Variants in PTPN20 observed in about 807,000 individuals in gnomAD.
PTPN20 encodes protein tyrosine phosphatase non-receptor type 20, also known as tyrosine-protein phosphatase non-receptor type 20.
In PTPN20, 9 loss-of-function variants were observed where a neutral mutation model predicts 35.0. That is an observed-to-expected ratio of 0.26 (90% CI 0.15 to 0.45). PTPN20 has a LOEUF of 0.45. Ranked by LOEUF, PTPN20 falls within the 20% of genes least tolerant of loss-of-function variation. PTPN20 has a pLI of 1.00. For synonymous variants in PTPN20, 32 were observed against 100.2 expected (o/e 0.32, Z 4.06); for missense variants, 111 against 312.5 (o/e 0.36, Z 4.86).
chr10:46,996,073 T>G (rs955129907), intron 9 of PTPN20, among the ~76,000 whole-genome samples: 20 of 152,246 alleles, frequency 1.3e-4, no homozygotes, highest in African/African-American at 7.2e-5. Flanking sequence ...CTAATTCTCT[T>G]TAAGATAATT....
chr10:46,947,142 G>A (rs1410871995), intron 5 of PTPN20, among the ~76,000 whole-genome samples: 14 of 143,180 alleles, frequency 9.8e-5, no homozygotes, highest in South Asian at 4.6e-4. Context: ...TTGTGTATAC[G>A]TATTTACATG....
At chr10:46,946,888 C>T (rs1490412444) in intron 5 of PTPN20, 7 of 499,850 alleles carry the variant, frequency 1.4e-5, no homozygotes, top group Non-Finnish European at 2.1e-5. Context: ...GTCCTTTCTT[C>T]AAGTATTTTA....
chr10:46,984,705 AC>A, intron 8 of PTPN20, 141 bp downstream of exon 8: 1 of 302,950 alleles, frequency 3.3e-6, no homozygotes, highest in South Asian at 5.5e-5. Context: ...ACCAGAAGCC[AC>A]CACCACTTCT....
intron 9 of PTPN20, among the ~76,000 whole-genome samples, chr10:46,992,681 G>T (rs895018236): frequency 6.6e-6 from 1 of 152,118 alleles, no homozygotes; most frequent in Admixed American, 6.5e-5. Context: ...ATCTCATTAA[G>T]CTTCCTTACC....
chr10:46,947,488 T>G (rs781881617), intron 5 of PTPN20, among the ~76,000 whole-genome samples: 2,271 of 149,976 alleles, frequency 0.015, 11 homozygotes, highest in Non-Finnish European at 0.023. Context: ...AATTTTTAAT[T>G]AATTAAAACA....
chr10:46,926,429 T>C (rs1415527470), intron 1 of PTPN20, among the ~76,000 whole-genome samples: 2 of 151,766 alleles, frequency 1.3e-5, no homozygotes, highest in African/African-American at 4.9e-5. Context: ...GTTAAAAATA[T>C]TGCAACATTA....
chr10:46,982,766 A>G (rs1381562070), intron 7 of PTPN20, among the ~76,000 whole-genome samples: 1 of 151,992 alleles, frequency 6.6e-6, no homozygotes, highest in African/African-American at 2.4e-5. Context: ...ATTGTGATGA[A>G]CACTTGCCAG....
rs2046649815 is a variant in PTPN20, at chr10:46,951,485, A to T, written c.340+4810A>T. Among the ~76,000 whole-genome samples the T allele has an allele frequency of 4.6e-5, 7 of 152,358 alleles. No individual in the cohort carries two copies. In the South Asian group the frequency reaches 1.4e-3, roughly 32 times the overall value. ...TACCTTAAGAAGGGAGACTTTCATG[A>T]ACATTCTTAATTTCTAAAATGTTTA... On this transcript the variant is annotated intron_variant, in intron 5 of 10. Coordinates refer to ENST00000374339, the MANE Select transcript of PTPN20 (RefSeq NM_001042357.5).
chr10:46,936,513 T>C (rs1459850957), intron 2 of PTPN20, among the ~76,000 whole-genome samples: 2 of 151,886 alleles, frequency 1.3e-5, no homozygotes, highest in East Asian at 1.9e-4. Flanking sequence ...CCATAGATAG[T>C]GATTCTTCTG....
intron 5 of PTPN20, among the ~76,000 whole-genome samples, chr10:46,953,725 A>G (rs2047552402): frequency 6.9e-6 from 1 of 145,310 alleles, no homozygotes; most frequent in Non-Finnish European, 1.5e-5. Context: ...TTGATTTCCA[A>G]ATATCTCACC....
At chr10:46,972,208 T>C (rs1243813602) in intron 7 of PTPN20, among the ~76,000 whole-genome samples, 3 of 147,526 alleles carry the variant, frequency 2.0e-5, no homozygotes, top group African/African-American at 7.4e-5. Flanking sequence ...CAAAAACTTA[T>C]ATTTATAATC....
downstream of PTPN20, among the ~76,000 whole-genome samples, chr10:47,002,647 T>G (rs951043753): frequency 6.6e-6 from 1 of 151,934 alleles, no homozygotes; most frequent in African/African-American, 2.4e-5. Context: ...GAATGCTAAT[T>G]TAAAGGAAGT....
intron 5 of PTPN20, among the ~76,000 whole-genome samples, chr10:46,964,586 A>G (rs559158638): frequency 3.5e-4 from 52 of 149,282 alleles, no homozygotes; most frequent in African/African-American, 1.3e-3. Context: ...ACATCACCAC[A>G]TCTCAGACTC....
At chr10:47,003,576 A>G (rs1029228267), downstream of PTPN20, among the ~76,000 whole-genome samples, 28 of 152,236 alleles carry the variant, frequency 1.8e-4, no homozygotes, top group East Asian at 7.7e-4. Context: ...TTTATCTACA[A>G]CCAGCAAACT....
At chr10:46,951,240 G>A (rs1336274292) in intron 5 of PTPN20, among the ~76,000 whole-genome samples, 38 of 152,192 alleles carry the variant, frequency 2.5e-4, no homozygotes, top group Non-Finnish European at 4.4e-4. Flanking sequence ...TGATCCACCC[G>A]TCTTGGTCTC....
intron 9 of PTPN20, among the ~76,000 whole-genome samples, chr10:46,988,428 A>G (rs1433480679): frequency 1.4e-5 from 2 of 147,284 alleles, no homozygotes; most frequent in East Asian, 2.5e-4. Context: ...AATATATACA[A>G]TAAATTATAA....
chr10:46,954,325 A>G (rs1385619493), intron 5 of PTPN20, among the ~76,000 whole-genome samples: 1 of 148,320 alleles, frequency 6.7e-6, no homozygotes, highest in African/African-American at 2.6e-5. Context: ...GTTAAGGGCT[A>G]TTCTAATGAC....
At position 46,999,968 on chromosome 10, in the gene PTPN20, A is replaced by G; in HGVS notation, c.1191A>G (p.Gln397=). 1 of 1,613,794 alleles carries G rather than the reference A, an allele frequency of 6.2e-7. No individual in the cohort carries two copies. The highest frequency in any genetic ancestry group is 8.5e-7 in the Non-Finnish European group (1 of 1,179,728). ...GAGAACAACGTTCTGGCATGGTTCA[A>G]ACGAAGGTAAGCTTTCACCACATAC... ...QMREQRSGMV[Q]TKEQYHFCYD... is the part of the protein sequence containing the mutation. Residue 397 remains glutamine (Q), a synonymous_variant, in exon 10 of 11, where the codon CAA becomes CAG. Transcript: ENST00000374339.
chr10:46,993,669 T>G (rs1380020252), intron 9 of PTPN20, among the ~76,000 whole-genome samples: 5 of 152,226 alleles, frequency 3.3e-5, no homozygotes, highest in Non-Finnish European at 7.3e-5. Flanking sequence ...AAAAAAATTC[T>G]CTATGCTTTA....
Sources: allele counts gnomAD v4.1 joint callset (sites outside exome capture counted in the v4.1 genomes callset), GRCh38; gene constraint gnomAD v4.1.1; transcripts MANE v1.5; gene names NCBI Gene and HGNC (gene_info 2026-07-23, HGNC 2026-07-21).